ARAP2: variants seen among roughly 807,000 people sequenced by gnomAD.
ARAP2 encodes the protein ArfGAP with RhoGAP domain, ankyrin repeat and PH domain 2.
A neutral mutation model predicts 194.5 loss-of-function variants in ARAP2; 148 were observed. That is an observed-to-expected ratio of 0.76 (90% CI 0.67 to 0.87). ARAP2 has a LOEUF of 0.87. Ranked by LOEUF, ARAP2 falls within the 40% of genes least tolerant of loss-of-function variation. The probability of loss-of-function intolerance (pLI) is 0.00; values close to 1 mark genes in which losing one functional copy is unlikely to be tolerated. For synonymous variants in ARAP2, 695 were observed against 683.5 expected (o/e 1.02, Z -0.26); for missense variants, 2,128 against 1,989.7 (o/e 1.07, Z -1.32).
At chr4:36,148,576 G>A in intron 16 of ARAP2, 69 bp from the exon 17 acceptor site, 1 of 1,078,900 alleles carries the variant, frequency 9.3e-7, no homozygotes, top group East Asian at 2.5e-5. Context: ...ATAACACAAA[G>A]GTCATGTTTT....
At chr4:36,013,154 TC>T (rs1315951978) in intron 8 of ARAP2, among the ~76,000 whole-genome samples, 1 of 152,182 alleles carries the variant, frequency 6.6e-6, no homozygotes, top group Non-Finnish European at 1.5e-5. Context: ...CAAAACATTC[TC>T]CTTTAAAAAG....
chr4:36,136,924 G>GCA (rs1560507501), intron 19 of ARAP2, among the ~76,000 whole-genome samples: 1 of 23,902 alleles, frequency 4.2e-5, no homozygotes, highest in Admixed American at 3.3e-4. Context: ...ACACATACAC[G>GCA]CGCGCGCGCA....
chr4:36,075,270 T>C (rs17493657), intron 31 of ARAP2, among the ~76,000 whole-genome samples: 52,902 of 151,962 alleles, frequency 0.35, 9,679 homozygotes, highest in South Asian at 0.46. Context: ...TCCATATTTC[T>C]CTTTTTCTGA....
chr4:36,027,038 C>T (rs1374889529), intron 5 of ARAP2, among the ~76,000 whole-genome samples: 2 of 152,162 alleles, frequency 1.3e-5, no homozygotes, highest in South Asian at 2.1e-4. Context: ...GGGACTTCAG[C>T]GTGGGGGACT....
At chr4:36,064,355 A>G (rs1725031811), downstream of ARAP2, among the ~76,000 whole-genome samples, 1 of 152,138 alleles carries the variant, frequency 6.6e-6, no homozygotes, top group Non-Finnish European at 1.5e-5. Flanking sequence ...AGCCACACCC[A>G]AAGTCTCAAC....
intron 5 of ARAP2, among the ~76,000 whole-genome samples, chr4:36,211,293 C>T (rs146575905): frequency 1.3e-5 from 2 of 152,276 alleles, no homozygotes; most frequent in East Asian, 1.9e-4. Flanking sequence ...TTGCAGCACA[C>T]TGCTAGCTAG....
At chr4:36,041,893 G>A (rs1019794526) in intron 5 of ARAP2, among the ~76,000 whole-genome samples, 2 of 152,154 alleles carry the variant, frequency 1.3e-5, no homozygotes, top group East Asian at 3.9e-4. Flanking sequence ...GAAGTTGGAG[G>A]CTATTATTCT....
intron 6 of ARAP2, among the ~76,000 whole-genome samples, chr4:36,206,178 C>T (rs1240422336): frequency 6.6e-6 from 1 of 152,210 alleles, no homozygotes; most frequent in Non-Finnish European, 1.5e-5. Flanking sequence ...TGGATGGTGA[C>T]ATGGAAACCA....
At chr4:36,223,641 G>T (rs1365290402) in intron 2 of ARAP2, among the ~76,000 whole-genome samples, 1 of 152,050 alleles carries the variant, frequency 6.6e-6, no homozygotes, top group Non-Finnish European at 1.5e-5. Context: ...GTAAGTAATT[G>T]AAGTTAAATA....
At chr4:36,228,453 G>A in intron 2 of ARAP2, 129 bp downstream of exon 2, 2 of 965,044 alleles carry the variant, frequency 2.1e-6, no homozygotes, top group South Asian at 4.3e-5. Context: ...TTTTTTAAAA[G>A]AAAAGGTTGG....
chr4:36,211,480 C>A (rs937221924), intron 5 of ARAP2, among the ~76,000 whole-genome samples: 9 of 152,110 alleles, frequency 5.9e-5, no homozygotes, highest in African/African-American at 1.9e-4. Flanking sequence ...AACAGATATG[C>A]CTGGGCTCAA....
chr4:36,117,865 A>G (rs2063399), intron 24 of ARAP2, among the ~76,000 whole-genome samples: 45,684 of 151,396 alleles, frequency 0.3, 8,136 homozygotes, highest in East Asian at 0.47. Context: ...TCATATCACT[A>G]TACAGATTAA....
intron 1 of ARAP2, among the ~76,000 whole-genome samples, chr4:36,240,717 A>C (rs1376319921): frequency 6.6e-6 from 1 of 152,222 alleles, no homozygotes; most frequent in Admixed American, 6.5e-5. Context: ...ATTTTAGCTG[A>C]AAATAGGTAG....
chr4:36,039,144 C>T (rs982189306), intron 5 of ARAP2, among the ~76,000 whole-genome samples: 4 of 152,190 alleles, frequency 2.6e-5, no homozygotes, highest in Non-Finnish European at 5.9e-5. Flanking sequence ...ATGGGGAATT[C>T]ACCCTCTGCT....
intron 2 of ARAP2, among the ~76,000 whole-genome samples, chr4:36,052,850 C>A (rs1182775284): frequency 1.3e-5 from 2 of 151,652 alleles, no homozygotes; most frequent in African/African-American, 4.8e-5. Flanking sequence ...TGCCTGTAAT[C>A]CCAGCTACTC....
chr4:36,190,336 G>T (rs1280597773), intron 7 of ARAP2, among the ~76,000 whole-genome samples: 4 of 152,106 alleles, frequency 2.6e-5, no homozygotes, highest in Non-Finnish European at 4.4e-5. Context: ...ATATTTACCT[G>T]TGTGATCATT....
intron 27 of ARAP2, among the ~76,000 whole-genome samples, chr4:36,099,800 C>G (rs1442153543): frequency 6.6e-6 from 1 of 151,996 alleles, no homozygotes; most frequent in Non-Finnish European, 1.5e-5. Context: ...AGAATACATA[C>G]AGTACTTACC....
At chr4:36,242,766 A>G (rs73130499) in intron 1 of ARAP2, among the ~76,000 whole-genome samples, 3,509 of 152,294 alleles carry the variant, frequency 0.023, 111 homozygotes, top group African/African-American at 0.08. Context: ...ACAGGTTTAC[A>G]GACGAAGGAA....
intron 19 of ARAP2, among the ~76,000 whole-genome samples, chr4:36,135,785 T>G: frequency 6.6e-6 from 1 of 151,792 alleles, no homozygotes; most frequent in East Asian, 1.9e-4. Flanking sequence ...TTTACATAAT[T>G]TATCTAATAA....
Sources: allele counts gnomAD v4.1 joint callset (sites outside exome capture counted in the v4.1 genomes callset), GRCh38; gene constraint gnomAD v4.1.1; transcripts MANE v1.5; gene names NCBI Gene and HGNC (gene_info 2026-07-23, HGNC 2026-07-21).